ASCC1: variants seen among roughly 807,000 people sequenced by gnomAD.
ASCC1 encodes ASC-1 complex subunit P50.
In ASCC1, 35 loss-of-function variants were observed where a neutral mutation model predicts 46.6. The observed-to-expected ratio is 0.75, with a 90% confidence interval of 0.57 to 0.99. ASCC1 has a LOEUF of 0.99. ASCC1 is among the 50% of genes least tolerant of loss of function. The probability of loss-of-function intolerance (pLI) is 0.00; values close to 1 mark genes in which losing one functional copy is unlikely to be tolerated. For missense variants in ASCC1, 376 were observed against 428.7 expected (o/e 0.88, Z 1.09); for synonymous variants, 143 against 146.6 (o/e 0.98, Z 0.18).
chr10:72,185,791 A>T (rs1215553767), intron 5 of ASCC1, among the ~76,000 whole-genome samples: 3 of 152,204 alleles, frequency 2.0e-5, no homozygotes, highest in Non-Finnish European at 2.9e-5. Context: ...TTCTTAAAAC[A>T]AGTGCATTAT....
At chr10:72,169,383 T>C (rs1850768364) in intron 5 of ASCC1, among the ~76,000 whole-genome samples, 1 of 152,066 alleles carries the variant, frequency 6.6e-6, no homozygotes, top group Admixed American at 6.6e-5. Context: ...GGGGCTACAG[T>C]GAGCTGTGAT....
intron 7 of ASCC1, among the ~76,000 whole-genome samples, chr10:72,147,499 C>A (rs1212793151): frequency 2.0e-5 from 3 of 152,144 alleles, no homozygotes; most frequent in Non-Finnish European, 4.4e-5. Flanking sequence ...ATGATCCACC[C>A]ACTTTGGCAT....
chr10:72,213,180 G>A lies in ASCC1; in HGVS notation c.112+7C>T, dbSNP rs1304384308. 3.2e-6 allele frequency: 5 copies of A among 1,587,240 alleles called. No homozygotes were observed. The African/African-American group carries it at 6.7e-5, about 21-fold the overall frequency. ...TTCTTATCTGACCAAAGAGCAACTAGGATTACCTTGATAGAAGTCCTCTTC... is the reference window on the plus strand; with the variant it reads ...TTCTTATCTGACCAAAGAGCAACTAAGATTACCTTGATAGAAGTCCTCTTC... On this transcript the variant is annotated splice_region_variant and intron_variant, in intron 2 of 9. Coordinates refer to ENST00000672957, the MANE Select transcript of ASCC1 (RefSeq NM_001198800.3).
intron 4 of ASCC1, among the ~76,000 whole-genome samples, chr10:72,199,682 C>T (rs1030396282): frequency 6.6e-6 from 1 of 152,144 alleles, no homozygotes; most frequent in Non-Finnish European, 1.5e-5. Flanking sequence ...GATCCGCCCA[C>T]CCCGGCATGA....
chr10:72,169,702 T>A (rs1483369183), intron 5 of ASCC1, among the ~76,000 whole-genome samples: 1 of 152,146 alleles, frequency 6.6e-6, no homozygotes, highest in African/African-American at 2.4e-5. Context: ...GGTCTACATA[T>A]TCAAACATAA....
intron 4 of ASCC1, among the ~76,000 whole-genome samples, chr10:72,200,511 G>C (rs568862382): frequency 6.6e-6 from 1 of 151,980 alleles, no homozygotes; most frequent in Non-Finnish European, 1.5e-5. Context: ...AGCCAGGCAT[G>C]ATGGCACATG....
chr10:72,192,467 A>AAAG, intron 5 of ASCC1, among the ~76,000 whole-genome samples: 1 of 151,948 alleles, frequency 6.6e-6, no homozygotes, highest in African/African-American at 2.4e-5. Context: ...AAAAAAAAAA[A>AAAG]AAGAAAGAAA....
chr10:72,207,757 A>G (rs2133442203), intron 3 of ASCC1, among the ~76,000 whole-genome samples: 1 of 152,270 alleles, frequency 6.6e-6, no homozygotes, highest in East Asian at 1.9e-4. Flanking sequence ...TGGCCAGGTA[A>G]TTTCTTTCTT....
intron 9 of ASCC1, among the ~76,000 whole-genome samples, chr10:72,115,023 T>C (rs991799173): frequency 1.3e-5 from 2 of 151,552 alleles, no homozygotes; most frequent in African/African-American, 2.5e-5. Flanking sequence ...TTTTCAATCA[T>C]TAAAAAATGT....
intron 5 of ASCC1, among the ~76,000 whole-genome samples, chr10:72,176,840 A>G (rs1851916243): frequency 6.6e-6 from 1 of 152,094 alleles, no homozygotes; most frequent in Non-Finnish European, 1.5e-5. Flanking sequence ...TCCTCTGCGC[A>G]GAATGCTCCC....
Position 72,185,772 on chromosome 10 carries a change from C to T in ASCC1, c.489+11039G>A, listed in dbSNP as rs557654135. Among the ~76,000 whole-genome samples, 35 of 152,112 alleles carry T rather than the reference C, an allele frequency of 2.3e-4. No individual in the cohort carries two copies. In the South Asian group the frequency reaches 7.3e-3, roughly 32 times the overall value. On this transcript the variant is annotated intron_variant, in intron 5 of 9. Transcript: ENST00000672957. ...GGTGTATACCTTCATCAAAACTCATCAAGCCATATTCTTAAAACAAGTGCA... is the reference window on the plus strand; with the variant it reads ...GGTGTATACCTTCATCAAAACTCATTAAGCCATATTCTTAAAACAAGTGCA...
At chr10:72,199,636 G>A (rs1048083132) in intron 4 of ASCC1, among the ~76,000 whole-genome samples, 4 of 151,886 alleles carry the variant, frequency 2.6e-5, no homozygotes, top group Non-Finnish European at 2.9e-5. Flanking sequence ...GGATTTCACC[G>A]TGTTAGCCAG....
chr10:72,157,164 A>G (rs1441933220), intron 6 of ASCC1, among the ~76,000 whole-genome samples: 2 of 152,204 alleles, frequency 1.3e-5, no homozygotes, highest in African/African-American at 4.8e-5. Flanking sequence ...GTCTTCCTAT[A>G]GCCACCTCTA....
rs892709361 is a variant in ASCC1, at chr10:72,096,704, T to C, written c.*630A>G. 24 of 454,014 alleles carry C rather than the reference T, an allele frequency of 5.3e-5. No homozygotes were observed. The highest frequency in any genetic ancestry group is 1.0e-4 in the Non-Finnish European group (23 of 226,808). The allele number at this position is 454,014 out of a possible 1,614,324, so 28.1% of individuals were successfully genotyped here. ...AGGAACAGAGTGTGGTACGCACATGTAACGGAACATTCCATTATATGTATA... is the reference window on the plus strand; with the variant it reads ...AGGAACAGAGTGTGGTACGCACATGCAACGGAACATTCCATTATATGTATA... On this transcript the variant is annotated 3_prime_UTR_variant, in exon 10 of 10. Coordinates refer to ENST00000672957, the MANE Select transcript of ASCC1 (RefSeq NM_001198800.3).
intron 5 of ASCC1, chr10:72,190,362 T>G: frequency 7.0e-7 from 1 of 1,438,658 alleles, no homozygotes; most frequent in East Asian, 2.3e-5. Flanking sequence ...GAGGTTATCC[T>G]CATTGATCCA....
chr10:72,163,863 T>C (rs1352385607), intron 5 of ASCC1, among the ~76,000 whole-genome samples: 1 of 152,164 alleles, frequency 6.6e-6, no homozygotes, highest in African/African-American at 2.4e-5. Context: ...GCAGTATTTA[T>C]ATTTAGTGTA....
intron 9 of ASCC1, among the ~76,000 whole-genome samples, chr10:72,111,628 G>A (rs116607569): frequency 3.3e-5 from 5 of 151,772 alleles, no homozygotes; most frequent in South Asian, 2.1e-4. Context: ...TTCATCCCTC[G>A]GATATGGGGA....
chr10:72,180,326 T>TA (rs1036688509), intron 5 of ASCC1, among the ~76,000 whole-genome samples: 6 of 148,528 alleles, frequency 4.0e-5, no homozygotes, highest in Admixed American at 2.7e-4. Context: ...CTTCAAGAGA[T>TA]AAAAAAATAA....
At position 72,153,039 on chromosome 10, in the gene ASCC1, C is replaced by T. The variant is rs375095967; in HGVS notation, c.627-51G>A. The T allele has an allele frequency of 1.8e-4, 294 of 1,610,942 alleles. 3 individuals carry two copies. The African/African-American group carries it at 3.6e-3, about 20-fold the overall frequency. ...TCTATAACTGTTTAAGCTAAGAGGG[C>T]TATTTTATTTTGAAACATGGTTAAT... On this transcript the variant is annotated intron_variant, in intron 6 of 9. Coordinates refer to ENST00000672957, the MANE Select transcript of ASCC1 (RefSeq NM_001198800.3).
Sources: gnomAD v4.1 joint callset for allele counts (sites outside exome capture counted in the v4.1 genomes callset) on GRCh38, gnomAD v4.1.1 for gene constraint, MANE v1.5 for transcripts, NCBI Gene and HGNC (gene_info 2026-07-23, HGNC 2026-07-21) for gene names.